CHRNG: variants seen among roughly 807,000 people sequenced by gnomAD.
CHRNG encodes the protein acetylcholine receptor subunit gamma.
In CHRNG, 72 loss-of-function variants were observed where a neutral mutation model predicts 65.2. The ratio of observed to expected loss-of-function variants is 1.10; its 90% CI spans 0.91 to 1.34. CHRNG has a LOEUF of 1.34. CHRNG is among the 40% of genes most tolerant of loss of function. The pLI is 0.00. For synonymous variants in CHRNG, 284 were observed against 290.2 expected, an observed-to-expected ratio of 0.98 and a Z score of 0.22; for missense variants, 637 against 680.1, an observed-to-expected ratio of 0.94 and a Z score of 0.70.
intron 8 of CHRNG, 95 bp downstream of exon 8, chr2:232,543,484 C>CT (rs1248314099): frequency 8.5e-7 from 1 of 1,178,002 alleles, no homozygotes; most frequent in African/African-American, 1.7e-5. Flanking sequence ...CCATCCACCC[C>CT]CCCCATCCTC....
rs1261938375 is a variant in CHRNG at position 232,540,084 on chromosome 2, G to A, written c.148G>A (p.Val50Met). ...GCGGCCCGCGGAACGAGACTCGGAT[G>A]TGGTCAATGTCAGCCTGAAGCTAAC... is the stretch of plus-strand genomic sequence containing the variant. ...NLRPAERDSD[V>M]VNVSLKLTLT... The change falls in exon 2 of 12, where the codon GTG becomes ATG. Residue 50 changes from valine (V) to methionine (M), a missense_variant. By Grantham distance (21) the Val-to-Met change is conservative. Transcript: ENST00000651502. The surrounding 1 kb of genome is among the most constrained non-coding windows in gnomAD (Gnocchi z 4.2). 16 of 1,614,118 alleles carry A rather than the reference G, an allele frequency of 9.9e-6. No homozygotes were observed. The highest frequency in any genetic ancestry group is 1.4e-5 in the Non-Finnish European group (16 of 1,180,044).
intron 9 of CHRNG, among the ~76,000 whole-genome samples, chr2:232,543,987 T>C (rs1345554884): frequency 6.6e-6 from 1 of 152,174 alleles, no homozygotes; most frequent in East Asian, 1.9e-4. Flanking sequence ...CCCAAGGAAG[T>C]GCACTACAAA....
chr2:232,546,054 G>A lies in CHRNG; in HGVS notation c.*338G>A, dbSNP rs2106224058. On this transcript the variant is annotated 3_prime_UTR_variant, in exon 12 of 12. Coordinates refer to ENST00000651502, the MANE Select transcript of CHRNG (RefSeq NM_005199.5). ...AGTCTGAAGCCCGAAGGACTGTTTT[G>A]TATAATACCTTCGGACTTGGGACTG... The A allele has an allele frequency of 9.6e-6, 4 of 414,560 alleles. No homozygotes were observed. The highest frequency in any genetic ancestry group is 7.5e-4 in the Middle Eastern group (1 of 1,330). 25.7% of individuals were successfully genotyped at this position (414,560 alleles called of 1,614,324 possible).
rs369267714 is a variant in CHRNG, at chr2:232,541,719, G to A, written c.506+190G>A. ...AAGGTGCCCAAGCTCTCCCTGCTAA[G>A]CCCGAGTCCCCTCACTCATCCTTTA... On this transcript the variant is annotated intron_variant, in intron 5 of 11. Coordinates refer to ENST00000651502, the MANE Select transcript of CHRNG (RefSeq NM_005199.5). This position sits in a 1 kb window ranked among gnomAD's most constrained non-coding sequence, Gnocchi z 4.0. The A allele has an allele frequency of 1.3e-4, 86 of 659,756 alleles. No homozygotes were observed. The East Asian group carries it at 1.9e-3, about 15-fold the overall frequency. 40.9% of individuals were successfully genotyped at this position (659,756 alleles called of 1,614,324 possible). A position where few individuals can be genotyped will look rare whatever the true frequency, so the allele number is the denominator to read the frequency against.
rs1472908894 is a variant in CHRNG at position 232,540,589 on chromosome 2, C to T, written c.241-13C>T. 6.2e-7 allele frequency: 1 copy of T among 1,609,664 alleles called. No individual in the cohort carries two copies. Among genetic ancestry groups the T allele is most frequent in the Non-Finnish European group, 8.5e-7 (1 of 1,179,386 alleles). ...AGAGGGCAGAGGCCTAGCAACTGCC[C>T]CTCCCCCTGCAGCAGTGGTGCGACT... On this transcript the variant is annotated splice_polypyrimidine_tract_variant and intron_variant, in intron 3 of 11. Transcript: ENST00000651502. The surrounding 1 kb of genome is among the most constrained non-coding windows in gnomAD (Gnocchi z 4.2).
At position 232,547,199 on chromosome 2, in the gene CHRNG, G is replaced by C. The variant is rs1692147834; in HGVS notation, c.*1483G>C. ...AGGTGGGTGGACTGCTTGAGCTCAG[G>C]AGCCCACGAACCCAGGAACCCAGCC... On this transcript the variant is annotated 3_prime_UTR_variant, in exon 12 of 12. Coordinates refer to ENST00000651502, the MANE Select transcript of CHRNG (RefSeq NM_005199.5). Among the ~76,000 whole-genome samples, 1 of 152,086 alleles carries C rather than the reference G, an allele frequency of 6.6e-6. No homozygotes were observed.
chr2:232,542,597 C>G (rs1692040554), intron 6 of CHRNG, 77 bp downstream of exon 6: 1 of 1,006,924 alleles, frequency 9.9e-7, no homozygotes. Context: ...AAGGCTGGAC[C>G]AAGGTCAAAT....
Position 232,544,303 on chromosome 2 carries a change from G to A in CHRNG, c.1036-64G>A, listed in dbSNP as rs2250451. The A allele has an allele frequency of 0.23, 296,410 of 1,292,036 alleles. 35,836 individuals are homozygous for A. The highest frequency in any genetic ancestry group is 0.27 in the East Asian group (11,823 of 43,422). The allele number at this position is 1,292,036 out of a possible 1,614,324, so 80.0% of individuals were successfully genotyped here. A position where few individuals can be genotyped will look rare whatever the true frequency, so the allele number is the denominator to read the frequency against. ...GTCCCTAGCAGCACAAGCCCTTCAC[G>A]CCAACCTCTGGCTTCTGCTCTGAAG... On this transcript the variant is annotated intron_variant, in intron 9 of 11. Coordinates refer to ENST00000651502, the MANE Select transcript of CHRNG (RefSeq NM_005199.5).
intron 9 of CHRNG, 112 bp from the exon 10 acceptor site, chr2:232,544,255 T>C: frequency 1.2e-6 from 1 of 852,872 alleles, no homozygotes; most frequent in Non-Finnish European, 2.0e-6. Context: ...GCCACGTCAC[T>C]GCCCCGGTAT....
rs1574642731 is a variant in CHRNG, at chr2:232,539,804, T to G, written c.55+2T>G. The G allele has an allele frequency of 6.2e-7, 1 of 1,613,696 alleles. No individual in the cohort carries two copies. Among genetic ancestry groups the G allele is most frequent in the Non-Finnish European group, 8.5e-7 (1 of 1,179,970 alleles). ...TGCTGCTGCTGGCTGTCTGCCTGGG[T>G]GGGACACAAAGGAATCTCAGCCTGG... On this transcript the variant is annotated splice_donor_variant, in intron 1 of 11. Transcript: ENST00000651502. LOFTEE classifies it high-confidence loss of function.
In CHRNG at chr2:232,540,020, C is replaced by T. The variant is rs2573202; in HGVS notation, c.84C>T (p.Arg28=). The T allele has an allele frequency of 6.2e-7, 1 of 1,614,206 alleles. No homozygotes were observed. The highest frequency in any genetic ancestry group is 8.5e-7 in the Non-Finnish European group (1 of 1,180,024). Reference sequence around the variant, plus strand: ...CCCAGGGCCGGAACCAGGAGGAGCGCCTGCTCGCAGACCTGATGCAAAACT... The same window carrying T: ...CCCAGGGCCGGAACCAGGAGGAGCGTCTGCTCGCAGACCTGATGCAAAACT... ...LGAQGRNQEE[R]LLADLMQNYD... The change falls in exon 2 of 12, where the codon CGC becomes CGT. Residue 28 remains arginine, a synonymous_variant. Transcript: ENST00000651502. This position sits in a 1 kb window ranked among gnomAD's most constrained non-coding sequence, Gnocchi z 4.2.
At position 232,546,127 on chromosome 2, in the gene CHRNG, G is replaced by A. The variant is rs1238602681; in HGVS notation, c.*411G>A. On this transcript the variant is annotated 3_prime_UTR_variant, in exon 12 of 12. Coordinates refer to ENST00000651502, the MANE Select transcript of CHRNG (RefSeq NM_005199.5). ...CTGAAAGAGGGCAGTCACAAGAGGT[G>A]TGAAGAGTAGCAGCCGATGCTCTCT... 1 of 331,776 alleles carries A rather than the reference G, an allele frequency of 3.0e-6. No homozygotes were observed. The allele number at this position is 331,776 out of a possible 1,614,324, so 20.6% of individuals were successfully genotyped here. A position where few individuals can be genotyped will look rare whatever the true frequency, so the allele number is the denominator to read the frequency against.
chr2:232,542,275 G>C (rs952287114), intron 5 of CHRNG, 148 bp from the exon 6 acceptor site: 4 of 671,792 alleles, frequency 6.0e-6, no homozygotes, highest in Non-Finnish European at 1.1e-5. Context: ...TCCATATCTC[G>C]CCAGTGGGGT....
chr2:232,546,195 C>CG lies in CHRNG; in HGVS notation c.*480dup. 4.5e-6 allele frequency: 1 copy of CG among 220,842 alleles called. No individual in the cohort carries two copies. The highest frequency in any genetic ancestry group is 9.2e-6 in the Non-Finnish European group (1 of 108,608). 13.7% of individuals were successfully genotyped at this position (220,842 alleles called of 1,614,324 possible). Reference sequence around the variant, plus strand: ...CCCATACCAGCTGGCATCTCCCCCCCGTGCCTTCTGGGTACAATAAGCACC... The same window carrying CG: ...CCCATACCAGCTGGCATCTCCCCCCCGGTGCCTTCTGGGTACAATAAGCACC... On this transcript the variant is annotated 3_prime_UTR_variant, in exon 12 of 12. Coordinates refer to ENST00000651502, the MANE Select transcript of CHRNG (RefSeq NM_005199.5).
chr2:232,547,201 GCCCACGAA>G lies in CHRNG; in HGVS notation c.*1490_*1497del, dbSNP rs1692147982. On this transcript the variant is annotated 3_prime_UTR_variant, in exon 12 of 12. Transcript: ENST00000651502. ...GTGGGTGGACTGCTTGAGCTCAGGA[GCCCACGAA>G]CCCAGGAACCCAGCCTGGGCAACAT... is the stretch of plus-strand genomic sequence containing the variant. Among the ~76,000 whole-genome samples, 1 of 152,138 alleles carries G rather than the reference GCCCACGAA, an allele frequency of 6.6e-6. No homozygotes were observed. Among genetic ancestry groups the G allele is most frequent in the Non-Finnish European group, 1.5e-5 (1 of 68,014 alleles).
At position 232,540,249 on chromosome 2, in the gene CHRNG, C is replaced by T. The variant is rs1281001786; in HGVS notation, c.195+118C>T. The T allele has an allele frequency of 6.3e-7, 1 of 1,597,602 alleles. No individual in the cohort carries two copies. Among genetic ancestry groups the T allele is most frequent in the East Asian group, 2.2e-5 (1 of 44,770 alleles). On this transcript the variant is annotated intron_variant, in intron 2 of 11. Coordinates refer to ENST00000651502, the MANE Select transcript of CHRNG (RefSeq NM_005199.5). This position sits in a 1 kb window ranked among gnomAD's most constrained non-coding sequence, Gnocchi z 4.2. ...GGCCCTAAATCGGACAGGCTGGGGT[C>T]TGGAAAACCCCCATGGTTGTGGGGG... is the stretch of plus-strand genomic sequence containing the variant.
intron 6 of CHRNG, 136 bp downstream of exon 6, chr2:232,542,656 C>T (rs1692041488): frequency 2.7e-6 from 2 of 743,460 alleles, no homozygotes; most frequent in South Asian, 1.5e-5. Context: ...ATAAAATATG[C>T]TTTTTAAAAC....
intron 9 of CHRNG, 37 bp downstream of exon 9, chr2:232,543,736 C>A: frequency 7.9e-7 from 1 of 1,268,484 alleles, no homozygotes; most frequent in Non-Finnish European, 1.2e-6. Context: ...CATCCCGCTG[C>A]CCACTCCCCT....
chr2:232,543,506 C>T (rs1692061490), intron 8 of CHRNG, 79 bp from the exon 9 acceptor site: 6 of 1,103,932 alleles, frequency 5.4e-6, no homozygotes, highest in Non-Finnish European at 6.3e-6. Flanking sequence ...ATTCAGGAGG[C>T]CTGAGGGGGG....
Sources: gnomAD v4.1 joint callset for allele counts (sites outside exome capture counted in the v4.1 genomes callset) on GRCh38, gnomAD v4.1.1 for gene constraint, Gnocchi (gnomAD v3.1) non-coding constraint, MANE v1.5 for transcripts, NCBI Gene and HGNC (gene_info 2026-07-23, HGNC 2026-07-21) for gene names.